The following ZNF451 variants were observed in gnomAD, a reference collection of about 807,000 sequenced individuals.
The protein encoded by ZNF451 is zinc finger protein 451, also known as E3 SUMO-protein ligase ZNF451.
Under a neutral mutation model 107.1 loss-of-function variants are expected in ZNF451, and 80 were observed. The ratio of observed to expected loss-of-function variants is 0.75; its 90% CI spans 0.62 to 0.90. The LOEUF is 0.90. Ranked by LOEUF, ZNF451 falls within the 40% of genes least tolerant of loss-of-function variation. The probability of loss-of-function intolerance (pLI) is 0.00; values close to 1 mark genes in which losing one functional copy is unlikely to be tolerated. For missense variants in ZNF451, 1,107 were observed against 1,236.2 expected (o/e 0.90, Z 1.57); for synonymous variants, 362 against 406.5 (o/e 0.89, Z 1.32).
rs561458363 is a variant in ZNF451, at chr6:57,155,378, CG to C, written c.3070+1334del. ...GCGGTTGCCTGTAATCCCAGCTACT[CG>C]GGAGGCTGAGGCAGGAGAATCGCTT... On this transcript the variant is annotated intron_variant, in intron 13 of 14. Transcript: ENST00000370706. Among the ~76,000 whole-genome samples the C allele has an allele frequency of 2.3e-3, 346 of 152,150 alleles. 4 individuals carry two copies. Among genetic ancestry groups the C allele is most frequent in the Admixed American group, 0.02 (301 of 15,282 alleles).
rs752722338 is a variant in ZNF451, at chr6:57,168,430, A to G, written c.3147A>G (p.Glu1049=). The G allele has an allele frequency of 2.5e-6, 4 of 1,605,636 alleles. No individual in the cohort carries two copies. Among genetic ancestry groups the G allele is most frequent in the Non-Finnish European group, 3.4e-6 (4 of 1,174,962 alleles). The part of the protein sequence containing the change: ...GEEFISTEDV[E]LEEAIRRSLE... The stretch of plus-strand genomic sequence containing the variant: ...CTATGTTTTTTAATGCAGATGTGGA[A>G]TTAGAAGAAGCTATTAGAAGAAGTC... Residue 1049 remains glutamate (E), a synonymous_variant, in exon 15 of 15, where the codon GAA becomes GAG. Transcript: ENST00000370706.
chr6:57,099,328 G>A (rs1302954339), intron 3 of ZNF451, 187 bp downstream of exon 3: 11 of 641,288 alleles, frequency 1.7e-5, no homozygotes, highest in Non-Finnish European at 3.1e-5. Flanking sequence ...CCTCTACTTT[G>A]AATGAGATTA....
chr6:57,096,745 G>A (rs1262548448), intron 2 of ZNF451, among the ~76,000 whole-genome samples: 2 of 146,810 alleles, frequency 1.4e-5, no homozygotes, highest in African/African-American at 2.5e-5. Flanking sequence ...TTTCTTCTTG[G>A]ATCGAACATA....
rs536719366 is a variant in ZNF451, at chr6:57,147,101, G to A, written c.1016G>A (p.Arg339Gln). Residue 339 changes from arginine to glutamine, a missense_variant, in exon 10 of 15, where the codon CGA (arginine) becomes CAA (glutamine). By Grantham distance (43) the Arg-to-Gln change is conservative. This residue lies in a region of ZNF451 where 339 missense variants were observed against 372.8 expected (regional missense o/e 0.91). Transcript: ENST00000370706. ...TTTATCTAATTTAGAGTTCATTGTC[G>A]AAATGCTGGACCTGTAGCTGTAGCT... ...ELTAHFRVHC[R>Q]NAGPVAVAEK... The A allele has an allele frequency of 5.6e-6, 9 of 1,599,216 alleles. No homozygotes were observed. In the South Asian group the frequency reaches 7.9e-5, roughly 14 times the overall value.
intron 2 of ZNF451, chr6:57,092,844 C>CA (rs1387685504): frequency 4.6e-5 from 7 of 152,108 alleles, no homozygotes; most frequent in Non-Finnish European, 1.0e-4. Context: ...TGAAACTAAA[C>CA]ACAGCATGCT....
At chr6:57,168,381 T>A (rs1403753717) in intron 14 of ZNF451, 42 bp from the exon 15 acceptor site, 1 of 1,418,800 alleles carries the variant, frequency 7.0e-7, no homozygotes. Flanking sequence ...ACATGTTGAG[T>A]TTTCTGCCCT....
Position 57,147,437 on chromosome 6 carries a change from T to G in ZNF451, c.1352T>G (p.Leu451Ter). 4 of 1,614,004 alleles carry G rather than the reference T, an allele frequency of 2.5e-6. No homozygotes were observed. Among genetic ancestry groups the G allele is most frequent in the Non-Finnish European group, 3.4e-6 (4 of 1,179,960 alleles). Residue 451 changes from leucine to a stop codon, truncating the protein, a stop_gained, in exon 10 of 15, where the codon TTA becomes TGA. Transcript: ENST00000370706. LOFTEE classifies it high-confidence loss of function. ...CIAIPKKKMN[L>*]KDKSHEGVAC... ...GCCATTCCAAAAAAGAAGATGAATTTAAAAGATAAAAGCCATGAAGGTGTT... is the reference window on the plus strand; with the variant it reads ...GCCATTCCAAAAAAGAAGATGAATTGAAAAGATAAAAGCCATGAAGGTGTT...
chr6:57,124,178 TCTTA>T (rs1830792144), intron 3 of ZNF451, among the ~76,000 whole-genome samples: 1 of 152,180 alleles, frequency 6.6e-6, no homozygotes, highest in Non-Finnish European at 1.5e-5. Flanking sequence ...TCCCTTCTAT[TCTTA>T]CTTTGCTGAG....
At chr6:57,111,340 T>G (rs1830101491) in intron 3 of ZNF451, among the ~76,000 whole-genome samples, 1 of 151,704 alleles carries the variant, frequency 6.6e-6, no homozygotes, top group Non-Finnish European at 1.5e-5. Flanking sequence ...TTTGTCACAC[T>G]TCATATTCAG....
At chr6:57,100,514 C>G (rs1336100811) in intron 3 of ZNF451, 1 of 1,356,890 alleles carries the variant, frequency 7.4e-7, no homozygotes, top group Middle Eastern at 1.9e-4. Flanking sequence ...GTTCTACTTA[C>G]TGGACATGAA....
At chr6:57,094,511 A>C (rs1829198703) in intron 2 of ZNF451, among the ~76,000 whole-genome samples, 1 of 152,262 alleles carries the variant, frequency 6.6e-6, no homozygotes. Flanking sequence ...GCAATAGGGC[A>C]TGAGAATGAT....
chr6:57,096,435 C>G (rs984779841), intron 2 of ZNF451, among the ~76,000 whole-genome samples: 1 of 151,702 alleles, frequency 6.6e-6, no homozygotes, highest in African/African-American at 2.4e-5. Flanking sequence ...ATTCGCCCAC[C>G]TTGGTCTCCC....
At chr6:57,116,237 AC>A (rs1314646689) in intron 3 of ZNF451, 1 of 152,050 alleles carries the variant, frequency 6.6e-6, no homozygotes, top group Non-Finnish European at 1.5e-5. Flanking sequence ...AGCTACCTTG[AC>A]CCCCAAAGCC....
rs1829087730 is a variant in ZNF451 at position 57,092,310 on chromosome 6, CT to C, written c.105+1419del. On this transcript the variant is annotated intron_variant, in intron 2 of 14. Transcript: ENST00000370706. ...CTAGTTAATGTAGGCTTGAGTTCAC[CT>C]TTGGTTTAAAGGAGTCTTTAAATTT... Among the ~76,000 whole-genome samples, 3 of 152,048 alleles carry C rather than the reference CT, an allele frequency of 2.0e-5. No homozygotes were observed. The South Asian group carries it at 6.2e-4, about 32-fold the overall frequency.
chr6:57,100,960 A>G (rs1829562868), intron 3 of ZNF451: 1 of 1,551,006 alleles, frequency 6.4e-7, no homozygotes, highest in South Asian at 1.2e-5. Context: ...ACGGGATGCC[A>G]TCCTCTATCT....
chr6:57,100,456 T>C (rs759697717), intron 3 of ZNF451: 79 of 982,404 alleles, frequency 8.0e-5, no homozygotes, highest in South Asian at 7.9e-4. Context: ...TTGCTGACCT[T>C]GAGTGGATTG....
In ZNF451 at chr6:57,168,641, G is replaced by A. The variant is rs1006066336; in HGVS notation, c.*172G>A. Reference sequence around the variant, plus strand: ...CTTTGTTTTGTATTTTTGTGCTAATGTGCAAACATGTACAGAAGAAATAGA... The same window carrying A: ...CTTTGTTTTGTATTTTTGTGCTAATATGCAAACATGTACAGAAGAAATAGA... On this transcript the variant is annotated 3_prime_UTR_variant, in exon 15 of 15. Transcript: ENST00000370706. 6.5e-6 allele frequency: 4 copies of A among 619,960 alleles called. No individual in the cohort carries two copies. The highest frequency in any genetic ancestry group is 1.1e-5 in the Non-Finnish European group (4 of 354,760). The allele number at this position is 619,960 out of a possible 1,614,324, so 38.4% of individuals were successfully genotyped here.
At chr6:57,133,724 C>T (rs1034149660) in intron 6 of ZNF451, among the ~76,000 whole-genome samples, 3 of 152,134 alleles carry the variant, frequency 2.0e-5, no homozygotes, top group African/African-American at 7.2e-5. Flanking sequence ...CTCACTCTGT[C>T]GCCCAGGATG....
intron 12 of ZNF451, among the ~76,000 whole-genome samples, chr6:57,153,447 C>T (rs1832441666): frequency 6.7e-6 from 1 of 149,610 alleles, no homozygotes; most frequent in African/African-American, 2.5e-5. Context: ...GTCACTCTGT[C>T]GCCCAGGCTG....
Sources: gnomAD v4.1 joint callset for allele counts (sites outside exome capture counted in the v4.1 genomes callset) on GRCh38, gnomAD v4.1.1 for gene constraint, gnomAD v4.1.1 regional missense constraint, MANE v1.5 for transcripts, NCBI Gene and HGNC (gene_info 2026-07-23, HGNC 2026-07-21) for gene names.